The following ST13 variants were observed in gnomAD, a reference collection of about 807,000 sequenced individuals.
ST13 encodes hsc70-interacting protein.
In ST13, 23 loss-of-function variants were observed where a neutral mutation model predicts 56.7. That is an observed-to-expected ratio of 0.41 (90% confidence interval 0.29 to 0.57). ST13 has a LOEUF of 0.57. Among genes scored for constraint, ST13 ranks in the 20% least tolerant of loss-of-function variants. The pLI, the probability that ST13 is intolerant of heterozygous loss-of-function variation, is 0.36. For missense variants in ST13, 369 were observed against 459.9 expected, an observed-to-expected ratio of 0.80 and a Z score of 1.81; for synonymous variants, 132 against 142.4, an observed-to-expected ratio of 0.93 and a Z score of 0.52.
chr22:40,840,767 T>C (rs2057800489), intron 4 of ST13, 75 bp from the exon 5 acceptor site: 1 of 1,264,248 alleles, frequency 7.9e-7, no homozygotes, highest in East Asian at 2.4e-5. Context: ...TTCTTAGGGA[T>C]GAGGCGCAGT....
At chr22:40,856,350 C>G (rs1281625547) in intron 1 of ST13, 81 bp downstream of exon 1, 2 of 1,272,132 alleles carry the variant, frequency 1.6e-6, no homozygotes, top group Admixed American at 1.9e-5. Flanking sequence ...CCTCGCCCGC[C>G]GGACCGAGCC....
chr22:40,832,173 A>G (rs2057756965), intron 8 of ST13: 1 of 471,704 alleles, frequency 2.1e-6, no homozygotes, highest in South Asian at 1.5e-5. Context: ...GAAACTTCTT[A>G]ACTTCCACAA....
rs2057898734 is a variant in ST13, at chr22:40,856,597, G to A, written c.-57C>T. 2.9e-5 allele frequency: 43 copies of A among 1,467,666 alleles called. No homozygotes were observed. Among genetic ancestry groups the A allele is most frequent in the Non-Finnish European group, 3.8e-5 (40 of 1,051,404 alleles). 90.9% of individuals were successfully genotyped at this position (1,467,666 alleles called of 1,614,324 possible). A position where few individuals can be genotyped will look rare whatever the true frequency, so the allele number is the denominator to read the frequency against. ...CTACGGCCCGGTTCCAGGCCCAGGC[G>A]CTGGCTCGGCGTGACCGCGCAGAAG... On this transcript the variant is annotated 5_prime_UTR_variant, in exon 1 of 12. Transcript: ENST00000216218.
intron 3 of ST13, among the ~76,000 whole-genome samples, chr22:40,847,422 G>A (rs961190159): frequency 6.6e-6 from 1 of 151,652 alleles, no homozygotes; most frequent in African/African-American, 2.4e-5. Flanking sequence ...GGTGGCACAC[G>A]CCTGTAGTCC....
At chr22:40,843,977 G>A (rs567894775) in intron 4 of ST13, among the ~76,000 whole-genome samples, 18 of 151,926 alleles carry the variant, frequency 1.2e-4, no homozygotes, top group African/African-American at 3.6e-4. Context: ...CTGCCTCCTG[G>A]GTTCAAGTGA....
intron 1 of ST13, among the ~76,000 whole-genome samples, chr22:40,851,317 T>C (rs1449277835): frequency 1.3e-5 from 2 of 152,218 alleles, no homozygotes; most frequent in African/African-American, 4.8e-5. Context: ...TATACCGTCA[T>C]GATATAATTC....
Position 40,824,822 on chromosome 22 carries a change from T to G in ST13, c.*1716A>C, listed in dbSNP as rs1040029158. 6.6e-6 allele frequency: 1 copy of G among 152,230 alleles called. No homozygotes were observed. The allele number at this position is 152,230 out of a possible 1,614,324, so 9.4% of individuals were successfully genotyped here. ...GTGTTTTTAAAGGATTTAAAAAGCA[T>G]GCTCCATCAGCATAATAGCTTTTTC... On this transcript the variant is annotated 3_prime_UTR_variant, in exon 12 of 12. Transcript: ENST00000216218.
chr22:40,844,957 G>A (rs775839376), intron 3 of ST13, 48 bp from the exon 4 acceptor site: 3 of 1,340,272 alleles, frequency 2.2e-6, no homozygotes, highest in Admixed American at 2.0e-5. Context: ...GTACAATATA[G>A]TAGCCACTCC....
intron 7 of ST13, chr22:40,835,257 C>A: frequency 5.1e-6 from 1 of 196,040 alleles, no homozygotes; most frequent in South Asian, 1.1e-4. Context: ...AGTAAAAATC[C>A]TTTCCTTATA....
intron 7 of ST13, among the ~76,000 whole-genome samples, chr22:40,833,298 G>A (rs1008998572): frequency 8.5e-5 from 13 of 152,262 alleles, no homozygotes; most frequent in Admixed American, 6.5e-4. Context: ...GGCTGGGCGC[G>A]GTGGCTCACG....
intron 1 of ST13, 125 bp from the exon 2 acceptor site, chr22:40,851,005 ACT>A (rs1424338562): frequency 7.7e-6 from 5 of 647,568 alleles, no homozygotes; most frequent in Non-Finnish European, 1.3e-5. Context: ...TTAAAAGTAA[ACT>A]CTCAATTAAT....
At position 40,826,430 on chromosome 22, in the gene ST13, C is replaced by T. The variant is rs1602646512; in HGVS notation, c.*108G>A. On this transcript the variant is annotated 3_prime_UTR_variant, in exon 12 of 12. Coordinates refer to ENST00000216218, the MANE Select transcript of ST13 (RefSeq NM_003932.5). Reference sequence around the variant, plus strand: ...AGGGATTATCTTCAAAGCACCCCAGCTCTCTTGATGAGAAGGTCAGAGGTA... The same window carrying T: ...AGGGATTATCTTCAAAGCACCCCAGTTCTCTTGATGAGAAGGTCAGAGGTA... 1.7e-6 allele frequency: 2 copies of T among 1,169,688 alleles called. No individual in the cohort carries two copies. Among genetic ancestry groups the T allele is most frequent in the South Asian group, 1.6e-5 (1 of 61,406 alleles). 72.5% of individuals were successfully genotyped at this position (1,169,688 alleles called of 1,614,324 possible). A position where few individuals can be genotyped will look rare whatever the true frequency, so the allele number is the denominator to read the frequency against.
chr22:40,850,527 T>TG (rs1446512557), intron 2 of ST13, among the ~76,000 whole-genome samples: 1 of 152,206 alleles, frequency 6.6e-6, no homozygotes, highest in Non-Finnish European at 1.5e-5. Flanking sequence ...AAGGCAATGA[T>TG]GAAGACTACG....
rs548586136 is a variant in ST13, at chr22:40,843,165, TTAAAA to T, written c.315+1669_315+1673del. Among the ~76,000 whole-genome samples, 17 of 152,288 alleles carry T rather than the reference TTAAAA, an allele frequency of 1.1e-4. No individual in the cohort carries two copies. The South Asian group carries it at 2.5e-3, about 22-fold the overall frequency. On this transcript the variant is annotated intron_variant, in intron 4 of 11. Coordinates refer to ENST00000216218, the MANE Select transcript of ST13 (RefSeq NM_003932.5). ...TTATGGGGAACACGTTAGTAAGTTA[TTAAAA>T]TATTTTAAAAACACCTAAAAATTGG...
intron 1 of ST13, among the ~76,000 whole-genome samples, chr22:40,853,766 A>T (rs1209513375): frequency 6.6e-6 from 1 of 152,220 alleles, no homozygotes; most frequent in Non-Finnish European, 1.5e-5. Context: ...GCCATGTGCC[A>T]CGTACTGTAC....
In ST13 at chr22:40,828,429, C is replaced by T. The variant is rs371494127; in HGVS notation, c.847+1197G>A. 1.0e-4 allele frequency among the ~76,000 whole-genome samples: 15 copies of T among 146,044 alleles called. 1 individual carries two copies. Among genetic ancestry groups the T allele is most frequent in the East Asian group, 7.8e-4 (4 of 5,102 alleles). On this transcript the variant is annotated intron_variant, in intron 10 of 11. Coordinates refer to ENST00000216218, the MANE Select transcript of ST13 (RefSeq NM_003932.5). ...ACCATCCTGGCTAACACGGTGAAACCCCGTCTCTACTAAAAATACAAAAAA... is the reference window on the plus strand; with the variant it reads ...ACCATCCTGGCTAACACGGTGAAACTCCGTCTCTACTAAAAATACAAAAAA...
rs1478006004 is a variant in ST13, at chr22:40,825,098, ATACT to A, written c.*1436_*1439del. 2.6e-5 allele frequency: 4 copies of A among 152,172 alleles called. No homozygotes were observed. The highest frequency in any genetic ancestry group is 5.9e-5 in the Non-Finnish European group (4 of 68,024). 9.4% of individuals were successfully genotyped at this position (152,172 alleles called of 1,614,324 possible). ...CGTAGCAATGTCAGGTACAATGCCT[ATACT>A]TAGTCTTATTTAAAATAAGAATTGA... On this transcript the variant is annotated 3_prime_UTR_variant, in exon 12 of 12. Transcript: ENST00000216218.
At chr22:40,835,994 G>A (rs2057775599) in intron 5 of ST13, 107 bp from the exon 6 acceptor site, 1 of 902,912 alleles carries the variant, frequency 1.1e-6, no homozygotes, top group Non-Finnish European at 1.6e-6. Context: ...TTTTAATCAA[G>A]TAAAAATAAA....
chr22:40,829,145 C>T (rs1234797360), intron 10 of ST13, among the ~76,000 whole-genome samples: 1 of 152,192 alleles, frequency 6.6e-6, no homozygotes, highest in African/African-American at 2.4e-5. Context: ...AGCATCGGAT[C>T]ATGCAACTAA....
Sources: allele counts gnomAD v4.1 joint callset (sites outside exome capture counted in the v4.1 genomes callset), GRCh38; gene constraint gnomAD v4.1.1; transcripts MANE v1.5; gene names NCBI Gene and HGNC (gene_info 2026-07-23, HGNC 2026-07-21).